The following PEG3 variants were observed in gnomAD, a reference collection of about 807,000 sequenced individuals.
PEG3 encodes paternally-expressed gene 3 protein.
Under a neutral mutation model 35.5 loss-of-function variants are expected in PEG3, and 23 were observed. The observed-to-expected ratio is 0.65, with a 90% CI of 0.47 to 0.92. The LOEUF (loss-of-function observed/expected upper bound fraction) is 0.92, where lower values mean the gene tolerates loss of function less well. PEG3 is among the 40% of genes least tolerant of loss of function. PEG3 has a pLI of 0.00. For synonymous variants in PEG3, 707 were observed against 697.0 expected, an observed-to-expected ratio of 1.01 and a Z score of -0.23; for missense variants, 1,960 against 1,985.3, an observed-to-expected ratio of 0.99 and a Z score of 0.24.
rs35411517 is a variant in PEG3 at position 56,814,275 on chromosome 19, G to A, written c.4167C>T (p.Gly1389=). The change falls in exon 10 of 10, where the codon GGC becomes GGT. Residue 1389 remains glycine (G), a synonymous_variant. Coordinates refer to ENST00000326441, the MANE Select transcript of PEG3 (RefSeq NM_006210.3). This position sits in a 1 kb window ranked among gnomAD's most constrained non-coding sequence, Gnocchi z 5.8. Reference sequence around the variant, plus strand: ...CTGGCTCAGCAGCCTCTACGTTTAAGCCCTGAATCCTCAGAACTACTTGTG... The same window carrying A: ...CTGGCTCAGCAGCCTCTACGTTTAAACCCTGAATCCTCAGAACTACTTGTG... ...HVPQVVLRIQ[G]LNVEAAEPEV... is the part of the protein sequence containing the mutation. 691 of 1,613,000 alleles carry A rather than the reference G, an allele frequency of 4.3e-4. 1 individual carries two copies. In the African/African-American group the frequency reaches 8.1e-3, roughly 19 times the overall value.
At chr19:56,821,820 C>T in intron 6 of PEG3, 66 bp from the exon 7 acceptor site, 2 of 1,571,996 alleles carry the variant, frequency 1.3e-6, no homozygotes, top group South Asian at 1.1e-5. Context: ...CAGGTTTGTC[C>T]CACTCAACTA....
Position 56,822,705 on chromosome 19 carries a change from G to A in PEG3, c.565+48C>T, listed in dbSNP as rs576885088. On this transcript the variant is annotated intron_variant, in intron 6 of 9. Transcript: ENST00000326441. ...CACTTTCCCCTTGAACCTGTGCACAGCACATGCTCTATATCTCCTACTGGG... is the reference window on the plus strand; with the variant it reads ...CACTTTCCCCTTGAACCTGTGCACAACACATGCTCTATATCTCCTACTGGG... 149 of 1,606,074 alleles carry A rather than the reference G, an allele frequency of 9.3e-5. 2 individuals carry two copies. The South Asian group carries it at 1.6e-3, about 17-fold the overall frequency.
chr19:56,832,219 G>A (rs1195695406), intron 2 of PEG3, among the ~76,000 whole-genome samples: 2 of 152,216 alleles, frequency 1.3e-5, no homozygotes, highest in East Asian at 1.9e-4. Flanking sequence ...GTTTCCTAGC[G>A]TGTTTGTTTT....
rs2059656662 is a variant in PEG3, at chr19:56,813,190, T to C, written c.*485A>G. ...AAAAATATAATCAAATTTGTTGCTC[T>C]CTTCCTCCTCCAAAAAAAAAAAAAA... On this transcript the variant is annotated 3_prime_UTR_variant, in exon 10 of 10. Transcript: ENST00000326441. 5.2e-6 allele frequency: 5 copies of C among 956,618 alleles called. No individual in the cohort carries two copies. The highest frequency in any genetic ancestry group is 2.5e-4 in the East Asian group (2 of 7,926). 59.3% of individuals were successfully genotyped at this position (956,618 alleles called of 1,614,324 possible).
chr19:56,829,343 CA>C (rs35948458), intron 2 of PEG3, among the ~76,000 whole-genome samples: 2,229 of 86,596 alleles, frequency 0.026, 42 homozygotes, highest in African/African-American at 0.068. Context: ...GACTCCATCT[CA>C]AAAAAAAAAA....
chr19:56,813,864 A>C lies in PEG3; in HGVS notation c.4578T>G (p.Thr1526=). The C allele has an allele frequency of 6.2e-7, 1 of 1,614,150 alleles. No homozygotes were observed. Among genetic ancestry groups the C allele is most frequent in the Non-Finnish European group, 8.5e-7 (1 of 1,180,024 alleles). Residue 1526 remains threonine (T), a synonymous_variant, in exon 10 of 10, where the codon ACT becomes ACG. Transcript: ENST00000326441. ...SSTAFSEHLK[T]HASMIIFEPA... ...GCTCAAATATGATCATGCTGGCATGAGTTTTCAGGTGTTCACTGAATGCTG... is the reference window on the plus strand; with the variant it reads ...GCTCAAATATGATCATGCTGGCATGCGTTTTCAGGTGTTCACTGAATGCTG...
intron 1 of PEG3, among the ~76,000 whole-genome samples, chr19:56,840,033 G>A (rs560646957): frequency 2.6e-5 from 4 of 152,292 alleles, no homozygotes; most frequent in African/African-American, 7.2e-5. Context: ...AACAAGCCCC[G>A]CCCCCAGAGG....
Position 56,813,998 on chromosome 19 carries a change from G to A in PEG3, c.4444C>T (p.Pro1482Ser). Reference protein sequence around the residue: ...AEEPEGDADEPDGVGIEDPEE... With the variant: ...AEEPEGDADESDGVGIEDPEE... ...GGGTCTTCAATTCCCACACCGTCAG[G>A]CTCGTCGGCATCTCCCTCTGGCTCT... The change falls in exon 10 of 10, where the codon CCT (proline) becomes TCT (serine). Residue 1482 changes from proline (P) to serine (S), a missense_variant. By Grantham distance (74) the Pro-to-Ser change is moderately conservative. This residue lies in a region of PEG3 where 416 missense variants were observed against 416.7 expected (regional missense o/e 1.00). Transcript: ENST00000326441. 6.2e-7 allele frequency: 1 copy of A among 1,614,040 alleles called. No individual in the cohort carries two copies. Among genetic ancestry groups the A allele is most frequent in the Non-Finnish European group, 8.5e-7 (1 of 1,179,978 alleles).
chr19:56,816,756 G>A lies in PEG3; in HGVS notation c.1686C>T (p.Phe562=), dbSNP rs769311375. The change falls in exon 10 of 10, where the codon TTC becomes TTT. Residue 562 remains phenylalanine (F), a synonymous_variant. Transcript: ENST00000326441. Reference sequence around the variant, plus strand: ...TTTCCTTACACACCCTGCACTCGTAGAATTTGTCTTTGCCATATATTTTCT... The same window carrying A: ...TTTCCTTACACACCCTGCACTCGTAAAATTTGTCTTTGCCATATATTTTCT... ...ELQKIYGKDK[F]YECRVCKETF... is the part of the protein sequence containing the mutation. 9 of 1,613,984 alleles carry A rather than the reference G, an allele frequency of 5.6e-6. No homozygotes were observed. The highest frequency in any genetic ancestry group is 7.6e-6 in the Non-Finnish European group (9 of 1,180,010).
At chr19:56,821,830 A>G (rs1270144685) in intron 6 of PEG3, 76 bp from the exon 7 acceptor site, 2 of 1,514,864 alleles carry the variant, frequency 1.3e-6, no homozygotes, top group Non-Finnish European at 1.8e-6. Context: ...CCACTCAACT[A>G]TGAAGCCAGC....
At chr19:56,828,014 T>G (rs1362974507) in intron 2 of PEG3, among the ~76,000 whole-genome samples, 1 of 152,214 alleles carries the variant, frequency 6.6e-6, no homozygotes, top group East Asian at 1.9e-4. Flanking sequence ...TATTTTTATT[T>G]TACCATGAGC....
rs898396338 is a variant in PEG3, at chr19:56,817,009, T to A, written c.1433A>T (p.Asn478Ile). The A allele has an allele frequency of 1.2e-6, 2 of 1,613,848 alleles. No homozygotes were observed. Among genetic ancestry groups the A allele is most frequent in the Non-Finnish European group, 8.5e-7 (1 of 1,179,730 alleles). ...VEHQIMHTRE[N>I]LYEYGESFIH... ...AAAGGACTCACCATACTCATAGAGG[T>A]TCTCTCTAGTATGCATGATCTGGTG... Residue 478 changes from asparagine to isoleucine, a missense_variant, in exon 10 of 10, where the codon AAC (asparagine) becomes ATC (isoleucine). Around this residue, in one of 5 missense-constraint regions of PEG3, gnomAD observed 798 missense variants for 782.4 expected, o/e 1.02. Transcript: ENST00000326441.
chr19:56,824,812 CAG>C (rs1485475266), intron 3 of PEG3, 71 bp from the exon 4 acceptor site: 7 of 658,840 alleles, frequency 1.1e-5, no homozygotes, highest in Non-Finnish European at 1.8e-5. Flanking sequence ...GCCACCTTAC[CAG>C]AGGCATCGAC....
At chr19:56,838,989 T>C (rs2062584926) in intron 1 of PEG3, among the ~76,000 whole-genome samples, 1 of 151,978 alleles carries the variant, frequency 6.6e-6, no homozygotes, top group Non-Finnish European at 1.5e-5. Flanking sequence ...CCGCCGCATC[T>C]GCCGCCAACC....
Position 56,813,189 on chromosome 19 carries a change from C to G in PEG3, c.*486G>C, listed in dbSNP as rs1411634469. ...TAAAAATATAATCAAATTTGTTGCTCTCTTCCTCCTCCAAAAAAAAAAAAA... is the reference window on the plus strand; with the variant it reads ...TAAAAATATAATCAAATTTGTTGCTGTCTTCCTCCTCCAAAAAAAAAAAAA... On this transcript the variant is annotated 3_prime_UTR_variant, in exon 10 of 10. Transcript: ENST00000326441. 9.4e-6 allele frequency: 9 copies of G among 959,000 alleles called. No individual in the cohort carries two copies. Among genetic ancestry groups the G allele is most frequent in the Non-Finnish European group, 1.1e-5 (9 of 820,512 alleles). The allele number at this position is 959,000 out of a possible 1,614,324, so 59.4% of individuals were successfully genotyped here. A position where few individuals can be genotyped will look rare whatever the true frequency, so the allele number is the denominator to read the frequency against.
chr19:56,834,091 G>C (rs893742136), intron 2 of PEG3, among the ~76,000 whole-genome samples: 1 of 152,152 alleles, frequency 6.6e-6, no homozygotes, highest in Non-Finnish European at 1.5e-5. Flanking sequence ...ACTTTAAAGA[G>C]ACAAAATGTC....
Position 56,821,727 on chromosome 19 carries a change from G to T in PEG3, c.593C>A (p.Pro198His). Residue 198 changes from proline to histidine, a missense_variant, in exon 7 of 10, where the codon CCT becomes CAT. Pro to His is a moderately conservative substitution (Grantham distance 77). Around this residue, in one of 5 missense-constraint regions of PEG3, gnomAD observed 613 missense variants for 577.1 expected, o/e 1.06. Transcript: ENST00000326441. The stretch of plus-strand genomic sequence containing the variant: ...TTCAAAGCTTGTTTTCGCCACCACA[G>T]GAAGGGAAAGATCCCGCGGAGGCAT... ...SRMPPRDLSL[P>H]VVAKTSFEMD... 1 of 1,614,066 alleles carries T rather than the reference G, an allele frequency of 6.2e-7. No homozygotes were observed. The highest frequency in any genetic ancestry group is 1.1e-5 in the South Asian group (1 of 91,082).
chr19:56,814,104 T>G lies in PEG3; in HGVS notation c.4338A>C (p.Pro1446=), dbSNP rs773231971. 2.1e-5 allele frequency: 34 copies of G among 1,614,056 alleles called. No homozygotes were observed. The highest frequency in any genetic ancestry group is 2.8e-5 in the Non-Finnish European group (33 of 1,180,038). ...CATCTGGCTCATCAGCATCCCCATT[T>G]GGCTGCTCGGCCTCTCCATTTGGCT... ...AGQPNGEAEQ[P]NGDADEPDGA... Residue 1446 remains proline (P), a synonymous_variant, in exon 10 of 10, where the codon CCA becomes CCC. Transcript: ENST00000326441. This position sits in a 1 kb window ranked among gnomAD's most constrained non-coding sequence, Gnocchi z 5.8.
rs756195749 is a variant in PEG3 at position 56,816,776 on chromosome 19, T to C, written c.1666A>G (p.Ile556Val). The C allele has an allele frequency of 1.9e-6, 3 of 1,614,048 alleles. No homozygotes were observed. The highest frequency in any genetic ancestry group is 2.5e-6 in the Non-Finnish European group (3 of 1,180,028). The change falls in exon 10 of 10, where the codon ATA becomes GTA. Residue 556 changes from isoleucine to valine, a missense_variant. Coordinates refer to ENST00000326441, the MANE Select transcript of PEG3 (RefSeq NM_006210.3). Reference protein sequence around the residue: ...PSPTFSELQKIYGKDKFYECR... With the variant: ...PSPTFSELQKVYGKDKFYECR... ...TCGTAGAATTTGTCTTTGCCATATA[T>C]TTTCTGAAGCTCACTAAAGGTGGGG...
Sources: allele counts gnomAD v4.1 joint callset (sites outside exome capture counted in the v4.1 genomes callset), GRCh38; gene constraint gnomAD v4.1.1; regional missense constraint gnomAD v4.1.1; non-coding constraint Gnocchi (gnomAD v3.1); transcripts MANE v1.5; gene names NCBI Gene and HGNC (gene_info 2026-07-23, HGNC 2026-07-21).